EVC: variants seen among roughly 807,000 people sequenced by gnomAD.
EVC encodes EvC ciliary complex subunit 1, also known as evC complex member EVC.
Under a neutral mutation model 118.9 loss-of-function variants are expected in EVC, and 116 were observed. That is an observed-to-expected ratio of 0.98 (90% CI 0.84 to 1.14). EVC has a LOEUF of 1.14. Ranked by LOEUF, EVC falls within the 50% of genes most tolerant of loss-of-function variation. The pLI is 0.00. For missense variants in EVC, 1,401 were observed against 1,246.4 expected, an observed-to-expected ratio of 1.12 and a Z score of -1.87; for synonymous variants, 619 against 534.7, an observed-to-expected ratio of 1.16 and a Z score of -2.18.
At chr4:5,768,307 A>T (rs541508243) in intron 11 of EVC, among the ~76,000 whole-genome samples, 1 of 152,138 alleles carries the variant, frequency 6.6e-6, no homozygotes, top group Non-Finnish European at 1.5e-5. Context: ...TGTGGTTTCC[A>T]TGAGGAAAAC....
At chr4:5,823,753 G>A in the EVC span, among the ~76,000 whole-genome samples, 7 of 152,278 alleles carry the variant, frequency 4.6e-5, no homozygotes, top group East Asian at 1.3e-3. Flanking sequence ...GCAGACGCTG[G>A]CACCGTGCTG....
In EVC at chr4:5,808,303, A is replaced by C; in HGVS notation, c.2664A>C (p.Glu888Asp). ...AGGCAGGAGTCATGGACCTTCTGGAAGCCCAGCTGGAGACCCAGCTACAGG... is the reference window on the plus strand; with the variant it reads ...AGGCAGGAGTCATGGACCTTCTGGACGCCCAGCTGGAGACCCAGCTACAGG... ...QQQAGVMDLL[E>D]AQLETQLQEA... The change falls in exon 18 of 21, where the codon GAA (glutamate) becomes GAC (aspartate). Residue 888 changes from glutamate to aspartate, a missense_variant. Glu to Asp is a conservative substitution (Grantham distance 45). Transcript: ENST00000264956. 2 of 1,614,230 alleles carry C rather than the reference A, an allele frequency of 1.2e-6. No homozygotes were observed. Among genetic ancestry groups the C allele is most frequent in the East Asian group, 2.2e-5 (1 of 44,886 alleles).
At chr4:5,802,550 C>G (rs1013401299) in intron 16 of EVC, among the ~76,000 whole-genome samples, 1 of 150,702 alleles carries the variant, frequency 6.6e-6, no homozygotes, top group Non-Finnish European at 1.5e-5. Context: ...AATTATACAA[C>G]TCACCATAAT....
rs554992336 is a variant in EVC, at chr4:5,789,384, C to G, written c.1777-4224C>G. 3.9e-5 allele frequency among the ~76,000 whole-genome samples: 6 copies of G among 152,300 alleles called. No homozygotes were observed. Among genetic ancestry groups the G allele is most frequent in the African/African-American group, 1.4e-4 (6 of 41,580 alleles). On this transcript the variant is annotated intron_variant, in intron 12 of 20. Transcript: ENST00000264956. This position sits in a 1 kb window ranked among gnomAD's most constrained non-coding sequence, Gnocchi z 4.3. ...TGCCTTACTCTGTCCTGCTCCTGGT[C>G]TTTGCTCCATGTCACCTTCACAGCA... is the stretch of plus-strand genomic sequence containing the variant.
chr4:5,730,156 A>G (rs1168685398), intron 3 of EVC, among the ~76,000 whole-genome samples: 15 of 152,036 alleles, frequency 9.9e-5, no homozygotes, highest in Non-Finnish European at 5.9e-5. Context: ...TTATCTGTCA[A>G]ATGGGGATGA....
intron 11 of EVC, among the ~76,000 whole-genome samples, chr4:5,775,654 A>G (rs1035781155): frequency 1.3e-5 from 2 of 152,178 alleles, no homozygotes; most frequent in Non-Finnish European, 2.9e-5. Flanking sequence ...TGTTGTATAA[A>G]TACACTGCCA....
chr4:5,797,627 C>T (rs918493004), intron 14 of EVC, among the ~76,000 whole-genome samples: 39 of 152,334 alleles, frequency 2.6e-4, no homozygotes, highest in African/African-American at 8.9e-4. Flanking sequence ...TTAATCACCT[C>T]CTCAAAGGCA....
At chr4:5,783,108 G>C (rs749677726) in intron 11 of EVC, among the ~76,000 whole-genome samples, 1 of 152,098 alleles carries the variant, frequency 6.6e-6, no homozygotes, top group Non-Finnish European at 1.5e-5. Context: ...GTGTGTAGGA[G>C]TGTGTCTATG....
At chr4:5,816,795 C>A (rs538224880), downstream of EVC, among the ~76,000 whole-genome samples, 1 of 151,900 alleles carries the variant, frequency 6.6e-6, no homozygotes, top group South Asian at 2.1e-4. Context: ...CATTTTGCCT[C>A]ACAGATATGT....
chr4:5,750,639 C>T (rs929286701), intron 8 of EVC, among the ~76,000 whole-genome samples: 1 of 152,174 alleles, frequency 6.6e-6, no homozygotes, highest in South Asian at 2.1e-4. Flanking sequence ...AGCACCTGCT[C>T]TCTCACAGGG....
intron 17 of EVC, 102 bp downstream of exon 17, chr4:5,804,943 C>A (rs116058370): frequency 1.9e-6 from 2 of 1,054,672 alleles, no homozygotes; most frequent in East Asian, 2.4e-5. Context: ...GTGCATTGCC[C>A]GTGGACTTGG....
At chr4:5,793,377 C>G (rs1356310566) in intron 12 of EVC, 1 of 543,146 alleles carries the variant, frequency 1.8e-6, no homozygotes, top group Non-Finnish European at 3.3e-6. Flanking sequence ...ATTTTAGATA[C>G]TTCAATTTAG....
chr4:5,788,140 C>G (rs1577581099), intron 12 of EVC, among the ~76,000 whole-genome samples: 1 of 152,140 alleles, frequency 6.6e-6, no homozygotes, highest in African/African-American at 2.4e-5. Flanking sequence ...CACACACCAC[C>G]TGTATTAGTT....
At position 5,742,001 on chromosome 4, in the gene EVC, G is replaced by C. The variant is rs1192250570; in HGVS notation, c.801+187G>C. 6.6e-6 allele frequency among the ~76,000 whole-genome samples: 1 copy of C among 151,964 alleles called. No individual in the cohort carries two copies. The highest frequency in any genetic ancestry group is 1.5e-5 in the Non-Finnish European group (1 of 67,990). On this transcript the variant is annotated intron_variant, in intron 6 of 20. Transcript: ENST00000264956. The surrounding 1 kb of genome is among the most constrained non-coding windows in gnomAD (Gnocchi z 5.2). ...TTAAAAAGTGTATTATTAAAATTTG[G>C]AATACTATTTATAGCAAAGAGAATA... is the stretch of plus-strand genomic sequence containing the variant.
intron 7 of EVC, among the ~76,000 whole-genome samples, chr4:5,747,037 C>T (rs1395440202): frequency 2.0e-5 from 3 of 151,826 alleles, no homozygotes; most frequent in Admixed American, 1.3e-4. Flanking sequence ...AGGGTGAGAG[C>T]CTGAGGGTGT....
chr4:5,761,225 G>C (rs748806359), intron 11 of EVC, among the ~76,000 whole-genome samples: 20 of 152,040 alleles, frequency 1.3e-4, no homozygotes, highest in Non-Finnish European at 2.6e-4. Flanking sequence ...CACATGGTAG[G>C]TGCTCAGTGA....
intron 11 of EVC, among the ~76,000 whole-genome samples, chr4:5,770,072 T>TC: frequency 6.6e-6 from 1 of 152,122 alleles, no homozygotes; most frequent in East Asian, 1.9e-4. Flanking sequence ...CGAGGGGGGC[T>TC]CTCTGCACAG....
At chr4:5,788,576 C>A (rs186340146) in intron 12 of EVC, among the ~76,000 whole-genome samples, 13 of 152,310 alleles carry the variant, frequency 8.5e-5, no homozygotes, top group Non-Finnish European at 1.5e-4. Context: ...CTCCATTTTT[C>A]TACTAAATTA....
At chr4:5,740,127 T>C (rs1475519404) in intron 5 of EVC, among the ~76,000 whole-genome samples, 1 of 152,102 alleles carries the variant, frequency 6.6e-6, no homozygotes, top group Non-Finnish European at 1.5e-5. Context: ...CAAAAATTAA[T>C]TCAAAAGGGA....
Sources: gnomAD v4.1 joint callset for allele counts (sites outside exome capture counted in the v4.1 genomes callset) on GRCh38, gnomAD v4.1.1 for gene constraint, Gnocchi (gnomAD v3.1) non-coding constraint, MANE v1.5 for transcripts, NCBI Gene and HGNC (gene_info 2026-07-23, HGNC 2026-07-21) for gene names.